The following ST7 variants were observed in gnomAD, a reference collection of about 807,000 sequenced individuals.
ST7 encodes suppressor of tumorigenicity 7 protein.
Under a neutral mutation model 78.7 loss-of-function variants are expected in ST7, and 28 were observed. The ratio of observed to expected loss-of-function variants is 0.36; its 90% CI spans 0.26 to 0.49. The LOEUF (loss-of-function observed/expected upper bound fraction) is 0.49. Ranked by LOEUF, ST7 falls within the 20% of genes least tolerant of loss-of-function variation. ST7 has a pLI of 0.99. For synonymous variants in ST7, 247 were observed against 249.6 expected, an observed-to-expected ratio of 0.99 and a Z score of 0.10; for missense variants, 418 against 696.0, an observed-to-expected ratio of 0.60 and a Z score of 4.49.
chr7:116,965,394 C>T (rs1466478925), intron 1 of ST7, among the ~76,000 whole-genome samples: 5 of 149,502 alleles, frequency 3.3e-5, no homozygotes, highest in East Asian at 2.0e-4. Context: ...CATCACACAT[C>T]GGAGCCTGTG....
At chr7:117,201,925 C>T (rs1810896214) in intron 12 of ST7, among the ~76,000 whole-genome samples, 1 of 151,864 alleles carries the variant, frequency 6.6e-6, no homozygotes, top group African/African-American at 2.4e-5. Flanking sequence ...CCAGGGAGCT[C>T]TATTCACTGC....
At position 117,031,525 on chromosome 7, in the gene ST7, T is replaced by C. The variant is rs1399028555; in HGVS notation, c.152-68237T>C. ...ATATATGTGTGTATATGTGCATATATATGCATATATGTGTGTATATGTGCA... is the reference window on the plus strand; with the variant it reads ...ATATATGTGTGTATATGTGCATATACATGCATATATGTGTGTATATGTGCA... On this transcript the variant is annotated intron_variant, in intron 1 of 15. Transcript: ENST00000323984. Among the ~76,000 whole-genome samples the C allele has an allele frequency of 5.8e-5, 3 of 51,904 alleles. 1 individual carries two copies. Among genetic ancestry groups the C allele is most frequent in the Admixed American group, 4.1e-4 (2 of 4,932 alleles). 34.1% of individuals were successfully genotyped at this position (51,904 alleles called of 152,430 possible). A position where few individuals can be genotyped will look rare whatever the true frequency, so the allele number is the denominator to read the frequency against.
chr7:117,189,640 T>A (rs1294022707), intron 11 of ST7, among the ~76,000 whole-genome samples: 1 of 152,094 alleles, frequency 6.6e-6, no homozygotes, highest in East Asian at 1.9e-4. Context: ...CTGAGATGAG[T>A]TTTTTGGTGT....
At chr7:117,122,471 A>G (rs1263538356) in intron 3 of ST7, among the ~76,000 whole-genome samples, 1 of 152,300 alleles carries the variant, frequency 6.6e-6, no homozygotes, top group African/African-American at 2.4e-5. Flanking sequence ...CTTGGCTAAG[A>G]CTGAGCTTTT....
intron 2 of ST7, among the ~76,000 whole-genome samples, chr7:117,118,761 C>G (rs186040666): frequency 1.6e-4 from 24 of 152,188 alleles, no homozygotes; most frequent in Admixed American, 9.8e-4. Context: ...GGCAGAGATC[C>G]CAGGTAAGAA....
chr7:117,114,350 AACACAT>A (rs1189536018), intron 2 of ST7, among the ~76,000 whole-genome samples: 1 of 152,190 alleles, frequency 6.6e-6, no homozygotes, highest in African/African-American at 2.4e-5. Context: ...GTATTACTGT[AACACAT>A]GCCAACTGCC....
chr7:117,136,277 G>T, intron 8 of ST7, 42 bp downstream of exon 8: 1 of 1,612,760 alleles, frequency 6.2e-7, no homozygotes, highest in South Asian at 1.1e-5. Context: ...GATCAGAATT[G>T]TAAAAATTAT....
At chr7:116,988,403 C>T (rs1425105461) in intron 1 of ST7, among the ~76,000 whole-genome samples, 2 of 152,134 alleles carry the variant, frequency 1.3e-5, no homozygotes, top group African/African-American at 4.8e-5. Context: ...TAAACTGGTT[C>T]GCTTGAAGCC....
intron 1 of ST7, among the ~76,000 whole-genome samples, chr7:116,979,551 A>G (rs996472542): frequency 2.0e-5 from 3 of 152,254 alleles, no homozygotes; most frequent in Non-Finnish European, 2.9e-5. Flanking sequence ...GGCTCTTAAT[A>G]GTCTTCATCT....
At position 117,179,242 on chromosome 7, in the gene ST7, A is replaced by G. The variant is rs1244926043; in HGVS notation, c.1078+8266A>G. 2.0e-5 allele frequency among the ~76,000 whole-genome samples: 3 copies of G among 152,220 alleles called. No homozygotes were observed. The East Asian group carries it at 5.8e-4, about 29-fold the overall frequency. ...AGCTAAATTGGATGTAAATGTTTGC[A>G]AAATGAAGGAAGCTAATATCAAGAT... On this transcript the variant is annotated intron_variant, in intron 10 of 15. Transcript: ENST00000323984.
At chr7:116,978,307 C>T (rs761520808) in intron 1 of ST7, among the ~76,000 whole-genome samples, 12 of 152,114 alleles carry the variant, frequency 7.9e-5, no homozygotes, top group Admixed American at 2.0e-4. Context: ...TTTCCTTTTC[C>T]CAGGAGGCAC....
intron 10 of ST7, among the ~76,000 whole-genome samples, chr7:117,183,588 T>C (rs1808967035): frequency 6.6e-6 from 1 of 152,106 alleles, no homozygotes; most frequent in South Asian, 2.1e-4. Context: ...TGCCTCATAC[T>C]CCCTTCTAGC....
At chr7:116,984,755 G>C (rs916855020) in intron 1 of ST7, among the ~76,000 whole-genome samples, 1 of 152,120 alleles carries the variant, frequency 6.6e-6, no homozygotes, top group Non-Finnish European at 1.5e-5. Flanking sequence ...GCTCAATATA[G>C]GCATTTGCTT....
chr7:117,185,645 G>T (rs1337407510), intron 10 of ST7, among the ~76,000 whole-genome samples: 1 of 152,202 alleles, frequency 6.6e-6, no homozygotes, highest in African/African-American at 2.4e-5. Flanking sequence ...GGCACAGTAG[G>T]CCGGGTGCAG....
chr7:117,127,083 G>T (rs1198044082), intron 3 of ST7, among the ~76,000 whole-genome samples: 1 of 151,844 alleles, frequency 6.6e-6, no homozygotes, highest in Non-Finnish European at 1.5e-5. Context: ...AGTTCATGAT[G>T]AAGTCCCAAT....
At chr7:117,012,889 C>G (rs140326751) in intron 1 of ST7, among the ~76,000 whole-genome samples, 373 of 152,286 alleles carry the variant, frequency 2.4e-3, no homozygotes, top group Non-Finnish European at 4.4e-3. Context: ...AATCACTTAA[C>G]TATAAGTAGG....
chr7:117,198,006 T>G (rs1265502084), intron 12 of ST7, among the ~76,000 whole-genome samples: 1 of 152,180 alleles, frequency 6.6e-6, no homozygotes, highest in Non-Finnish European at 1.5e-5. Flanking sequence ...GAGCCATGAT[T>G]GTGCTGCTGC....
At chr7:117,063,886 A>G (rs1798489638) in intron 1 of ST7, among the ~76,000 whole-genome samples, 1 of 152,202 alleles carries the variant, frequency 6.6e-6, no homozygotes, top group African/African-American at 2.4e-5. Flanking sequence ...AGTATGTGCC[A>G]TTTATAGCAA....
At chr7:117,163,517 G>A (rs891545760) in intron 9 of ST7, among the ~76,000 whole-genome samples, 4 of 152,014 alleles carry the variant, frequency 2.6e-5, no homozygotes, top group Admixed American at 6.6e-5. Flanking sequence ...CTACATTGTA[G>A]TTTTCATTTG....
Sources: allele counts gnomAD v4.1 joint callset (sites outside exome capture counted in the v4.1 genomes callset), GRCh38; gene constraint gnomAD v4.1.1; transcripts MANE v1.5; gene names NCBI Gene and HGNC (gene_info 2026-07-23, HGNC 2026-07-21).